The following CGAS variants were observed in gnomAD, a reference collection of about 807,000 sequenced individuals.
CGAS encodes 2'3'-cGAMP synthase.
CGAS carries 31 observed loss-of-function variants against 34.0 expected under a neutral mutation model. That is an observed-to-expected ratio of 0.91 (90% CI 0.69 to 1.23). The LOEUF is 1.23. Ranked by LOEUF, CGAS falls within the 50% of genes most tolerant of loss-of-function variation. CGAS has a pLI of 0.00. For synonymous variants in CGAS, 266 were observed against 260.0 expected (o/e 1.02, Z -0.22); for missense variants, 597 against 657.6 (o/e 0.91, Z 1.01).
chr6:73,446,912 T>C (rs573931386), intron 1 of CGAS, among the ~76,000 whole-genome samples: 1 of 151,454 alleles, frequency 6.6e-6, no homozygotes, highest in East Asian at 2.0e-4. Flanking sequence ...GAAAATTAGC[T>C]AGGTGTGGTG....
chr6:73,442,545 C>T (rs1770394812), intron 2 of CGAS, among the ~76,000 whole-genome samples: 1 of 151,564 alleles, frequency 6.6e-6, no homozygotes, highest in South Asian at 2.1e-4. Context: ...GGACCACAGG[C>T]ACATGCCACC....
chr6:73,425,402 T>C lies in CGAS; in HGVS notation c.1394A>G (p.Asp465Gly). Residue 465 changes from aspartate to glycine, a missense_variant, in exon 5 of 5, where the codon GAT (aspartate) becomes GGT (glycine). Asp to Gly is a moderately conservative substitution (Grantham distance 94). Around this residue, in one of 3 missense-constraint regions of CGAS, gnomAD observed 271 missense variants for 324.1 expected, o/e 0.84. Transcript: ENST00000370315. Reference sequence around the variant, plus strand: ...CTGAAGAAAGTATGTCACGCAGTTATCAAAGCAGAGGCCCAGGTCTTTGCG... The same window carrying C: ...CTGAAGAAAGTATGTCACGCAGTTACCAAAGCAGAGGCCCAGGTCTTTGCG... ...WDRKDLGLCFDNCVTYFLQCL... is the reference protein window; with the variant it reads ...WDRKDLGLCFGNCVTYFLQCL... 6.2e-7 allele frequency: 1 copy of C among 1,613,948 alleles called. No individual in the cohort carries two copies. Among genetic ancestry groups the C allele is most frequent in the Non-Finnish European group, 8.5e-7 (1 of 1,179,998 alleles).
chr6:73,424,328 G>A lies in CGAS; in HGVS notation c.*899C>T, dbSNP rs961936000. Reference sequence around the variant, plus strand: ...GGGCACCTGTAGTCCCAGCTACTCGGAAGGCTGAGGCAGGAGAATGGCATG... The same window carrying A: ...GGGCACCTGTAGTCCCAGCTACTCGAAAGGCTGAGGCAGGAGAATGGCATG... On this transcript the variant is annotated 3_prime_UTR_variant, in exon 5 of 5. Transcript: ENST00000370315. 3.3e-5 allele frequency: 5 copies of A among 152,084 alleles called. No individual in the cohort carries two copies. The highest frequency in any genetic ancestry group is 3.3e-4 in the Admixed American group (5 of 15,234). 9.4% of individuals were successfully genotyped at this position (152,084 alleles called of 1,614,324 possible). A position where few individuals can be genotyped will look rare whatever the true frequency, so the allele number is the denominator to read the frequency against.
intron 3 of CGAS, 34 bp from the exon 4 acceptor site, chr6:73,428,845 T>C (rs760661673): frequency 1.9e-5 from 29 of 1,558,740 alleles, no homozygotes; most frequent in Non-Finnish European, 2.3e-5. Context: ...AAAAGCACTT[T>C]ACCCAAAGCA....
At chr6:73,426,648 G>T (rs1413298377) in intron 4 of CGAS, among the ~76,000 whole-genome samples, 1 of 149,894 alleles carries the variant, frequency 6.7e-6, no homozygotes, top group African/African-American at 2.5e-5. Context: ...ATCTTGTTTT[G>T]TTATAAAATT....
chr6:73,427,319 A>T (rs554015114), intron 4 of CGAS, among the ~76,000 whole-genome samples: 1 of 81,316 alleles, frequency 1.2e-5, no homozygotes, highest in African/African-American at 4.4e-5. Flanking sequence ...TATTTATTTA[A>T]GATGGAGTCT....
intron 4 of CGAS, 29 bp from the exon 5 acceptor site, chr6:73,425,607 T>G (rs762812026): frequency 3.5e-6 from 5 of 1,418,948 alleles, no homozygotes; most frequent in Non-Finnish European, 4.8e-6. Flanking sequence ...AAACACTTAT[T>G]TTTACTTATT....
chr6:73,433,756 G>A (rs927865028), intron 3 of CGAS, among the ~76,000 whole-genome samples: 2 of 147,382 alleles, frequency 1.4e-5, no homozygotes, highest in African/African-American at 5.0e-5. Context: ...CAAAGTGCTG[G>A]GATTACAGGC....
chr6:73,428,373 C>T (rs1770125986), intron 4 of CGAS, among the ~76,000 whole-genome samples: 1 of 152,030 alleles, frequency 6.6e-6, no homozygotes, highest in African/African-American at 2.4e-5. Context: ...ATATCCATTA[C>T]TTTTAAACAA....
Position 73,425,222 on chromosome 6 carries a change from C to T in CGAS, c.*5G>A, listed in dbSNP as rs1370379624. The T allele has an allele frequency of 1.9e-6, 3 of 1,546,524 alleles. No individual in the cohort carries two copies. Among genetic ancestry groups the T allele is most frequent in the Non-Finnish European group, 2.6e-6 (3 of 1,144,838 alleles). On this transcript the variant is annotated 3_prime_UTR_variant, in exon 5 of 5. Coordinates refer to ENST00000370315, the MANE Select transcript of CGAS (RefSeq NM_138441.3). ...TAGTTCTTAGATCTTTCTAAAAATA[C>T]AATCTCAAAATTCATCAAAAACTGG...
intron 3 of CGAS, among the ~76,000 whole-genome samples, chr6:73,434,632 A>G (rs915185437): frequency 6.6e-6 from 1 of 152,088 alleles, no homozygotes; most frequent in African/African-American, 2.4e-5. Flanking sequence ...AAGAAAAACT[A>G]AGGAAATCTG....
At chr6:73,437,130 CA>C (rs1770293532) in intron 3 of CGAS, among the ~76,000 whole-genome samples, 1 of 151,766 alleles carries the variant, frequency 6.6e-6, no homozygotes, top group Admixed American at 6.6e-5. Context: ...CCAGCCTGGG[CA>C]ACAGAGCGAG....
In CGAS at chr6:73,425,315, T is replaced by C; in HGVS notation, c.1481A>G (p.Asn494Ser). The change falls in exon 5 of 5, where the codon AAC (asparagine) becomes AGC (serine). Residue 494 changes from asparagine (N) to serine (S), a missense_variant. Around this residue, in one of 3 missense-constraint regions of CGAS, gnomAD observed 271 missense variants for 324.1 expected, o/e 0.84. Coordinates refer to ENST00000370315, the MANE Select transcript of CGAS (RefSeq NM_138441.3). ...TTCCTTACTTCTTTTGTCAATTAAG[T>C]TGCTAGAGAATAGATTGAATTCAGG... ...FIPEFNLFSS[N>S]LIDKRSKEFL... 1 of 1,606,506 alleles carries C rather than the reference T, an allele frequency of 6.2e-7. No homozygotes were observed. The highest frequency in any genetic ancestry group is 1.1e-5 in the South Asian group (1 of 88,994).
Position 73,428,757 on chromosome 6 carries a change from T to C in CGAS, c.1169A>G (p.His390Arg), listed in dbSNP as rs755586918. 2.4e-5 allele frequency: 39 copies of C among 1,613,978 alleles called. No individual in the cohort carries two copies. Among genetic ancestry groups the C allele is most frequent in the Non-Finnish European group, 3.1e-5 (37 of 1,180,012 alleles). The change falls in exon 4 of 5, where the codon CAT becomes CGT. Residue 390 changes from histidine (H) to arginine (R), a missense_variant. By Grantham distance (29) the His-to-Arg change is conservative (BLOSUM62 0). Coordinates refer to ENST00000370315, the MANE Select transcript of CGAS (RefSeq NM_138441.3). ...SHIEKEILNNHGKSKTCCENK... is the reference protein window; with the variant it reads ...SHIEKEILNNRGKSKTCCENK... The stretch of plus-strand genomic sequence containing the variant: ...TTCACAGCACGTTTTAGATTTTCCA[T>C]GATTGTTCAAAATTTCCTTTTCGAT...
chr6:73,435,911 T>C (rs1452981795), intron 3 of CGAS, among the ~76,000 whole-genome samples: 8 of 152,122 alleles, frequency 5.3e-5, no homozygotes, highest in African/African-American at 1.9e-4. Flanking sequence ...AATACCAGTA[T>C]TATTACCAAT....
rs1368495363 is a variant in CGAS, at chr6:73,424,898, G to C, written c.*329C>G. The C allele has an allele frequency of 1.3e-5, 2 of 154,658 alleles. No homozygotes were observed. The highest frequency in any genetic ancestry group is 2.9e-5 in the Non-Finnish European group (2 of 69,920). 9.6% of individuals were successfully genotyped at this position (154,658 alleles called of 1,614,324 possible). A position where few individuals can be genotyped will look rare whatever the true frequency, so the allele number is the denominator to read the frequency against. ...AGAGGAAGTCTTGCTCTGTCACCCA[G>C]GATGGAGTGCAGTGGTGCCATCTTG... On this transcript the variant is annotated 3_prime_UTR_variant, in exon 5 of 5. Coordinates refer to ENST00000370315, the MANE Select transcript of CGAS (RefSeq NM_138441.3).
intron 3 of CGAS, among the ~76,000 whole-genome samples, chr6:73,433,898 G>A (rs1169587146): frequency 1.3e-5 from 2 of 152,086 alleles, no homozygotes; most frequent in Non-Finnish European, 2.9e-5. Flanking sequence ...ATCATTCCTG[G>A]CCCCAAATTT....
chr6:73,425,171 G>T lies in CGAS; in HGVS notation c.*56C>A. On this transcript the variant is annotated 3_prime_UTR_variant, in exon 5 of 5. Coordinates refer to ENST00000370315, the MANE Select transcript of CGAS (RefSeq NM_138441.3). ...TCTGGCCCCTTTTCAAATTTTTCTT[G>T]TATTCTCCAGGATTTAGGGTGACTC... 7.5e-7 allele frequency: 1 copy of T among 1,333,316 alleles called. No individual in the cohort carries two copies. Among genetic ancestry groups the T allele is most frequent in the Non-Finnish European group, 1.0e-6 (1 of 986,636 alleles). The allele number at this position is 1,333,316 out of a possible 1,614,324, so 82.6% of individuals were successfully genotyped here.
chr6:73,449,508 C>CACACACACACACACAA (rs569310062), intron 1 of CGAS, among the ~76,000 whole-genome samples: 13,198 of 149,630 alleles, frequency 0.088, 764 homozygotes, highest in East Asian at 0.12. Context: ...CACACACACA[C>CACACACACACACACAA]AAAGTGGTTC....
Sources: allele counts gnomAD v4.1 joint callset (sites outside exome capture counted in the v4.1 genomes callset), GRCh38; gene constraint gnomAD v4.1.1; regional missense constraint gnomAD v4.1.1; transcripts MANE v1.5; gene names NCBI Gene and HGNC (gene_info 2026-07-23, HGNC 2026-07-21).